PCGF3: variants seen among roughly 807,000 people sequenced by gnomAD.
PCGF3 encodes the protein polycomb group ring finger 3.
A neutral mutation model predicts 33.1 loss-of-function variants in PCGF3; 7 were observed. The ratio of observed to expected loss-of-function variants is 0.21; its 90% CI spans 0.12 to 0.40. The LOEUF is 0.40. PCGF3 is among the 10% of genes least tolerant of loss of function. PCGF3 has a pLI of 1.00. For missense variants in PCGF3, 211 were observed against 313.3 expected (o/e 0.67, Z 2.46); for synonymous variants, 153 against 121.3 (o/e 1.26, Z -1.72).
At chr4:726,837 C>T (rs1337804150) in intron 1 of PCGF3, among the ~76,000 whole-genome samples, 3 of 152,230 alleles carry the variant, frequency 2.0e-5, no homozygotes, top group African/African-American at 7.2e-5. Context: ...GGACTTTTCA[C>T]CCCCTGTCCA....
At chr4:758,261 C>T (rs936872394) in intron 8 of PCGF3, among the ~76,000 whole-genome samples, 1 of 152,064 alleles carries the variant, frequency 6.6e-6, no homozygotes, top group East Asian at 1.9e-4. Context: ...CACCGGGCAC[C>T]CCCTTTCTCC....
Position 720,382 on chromosome 4 carries a change from C to G in PCGF3, c.-189-10248C>G, listed in dbSNP as rs1221365098. 6.6e-6 allele frequency among the ~76,000 whole-genome samples: 1 copy of G among 152,086 alleles called. No homozygotes were observed. The highest frequency in any genetic ancestry group is 2.4e-5 in the African/African-American group (1 of 41,412). On this transcript the variant is annotated intron_variant, in intron 1 of 10. Coordinates refer to ENST00000362003, the Ensembl canonical transcript of PCGF3. The surrounding 1 kb of genome is among the most constrained non-coding windows in gnomAD (Gnocchi z 5.6). ...GGTGACTGTGCAGGAGGACAGAGTG[C>G]CACAAGGGAGAGCAGCAGAGTGGTT... is the stretch of plus-strand genomic sequence containing the variant.
At chr4:747,668 T>C in intron 8 of PCGF3, among the ~76,000 whole-genome samples, 1 of 128,170 alleles carries the variant, frequency 7.8e-6, no homozygotes. Context: ...GGCCCCGGGG[T>C]CGCTGCAGTG....
At chr4:753,750 C>T (rs554901583) in intron 8 of PCGF3, among the ~76,000 whole-genome samples, 110 of 152,116 alleles carry the variant, frequency 7.2e-4, no homozygotes, top group Middle Eastern at 3.4e-3. Flanking sequence ...GAGTGCGAGA[C>T]CAGCCTGGGC....
At chr4:723,343 G>GGGGC (rs1250263041) in intron 1 of PCGF3, among the ~76,000 whole-genome samples, 1 of 152,230 alleles carries the variant, frequency 6.6e-6, no homozygotes, top group Non-Finnish European at 1.5e-5. Context: ...GGCACCTGGA[G>GGGGC]GGGCTGGCCC....
intron 1 of PCGF3, among the ~76,000 whole-genome samples, chr4:727,272 A>G (rs1743371958): frequency 2.2e-5 from 2 of 92,204 alleles, no homozygotes; most frequent in African/African-American, 8.2e-5. Flanking sequence ...ATGGAGTTTC[A>G]GTCTTATTCC....
intron 4 of PCGF3, 135 bp downstream of exon 4, chr4:733,924 G>A: frequency 6.4e-7 from 1 of 1,563,498 alleles, no homozygotes; most frequent in South Asian, 1.2e-5. Flanking sequence ...CAGGGGCAGA[G>A]ACGATCTTGA....
At chr4:713,333 T>G (rs1577394028) in intron 1 of PCGF3, among the ~76,000 whole-genome samples, 1 of 80,750 alleles carries the variant, frequency 1.2e-5, no homozygotes, top group Admixed American at 1.4e-4. Context: ...TGTGGCCTGG[T>G]GGGGGCTGTG....
At chr4:714,970 C>T (rs1226822895) in intron 1 of PCGF3, among the ~76,000 whole-genome samples, 52 of 149,432 alleles carry the variant, frequency 3.5e-4, no homozygotes, top group Admixed American at 3.3e-3. Flanking sequence ...ACGCTGTAGA[C>T]GCTGTGAGTG....
chr4:760,696 C>T (rs4690282), intron 8 of PCGF3, among the ~76,000 whole-genome samples: 33,385 of 152,230 alleles, frequency 0.22, 4,374 homozygotes, highest in Middle Eastern at 0.36. Context: ...CCAAGCCGGC[C>T]GGGCCCTTGG....
chr4:763,939 G>A (rs567747330), intron 9 of PCGF3, among the ~76,000 whole-genome samples: 3 of 152,190 alleles, frequency 2.0e-5, no homozygotes, highest in African/African-American at 7.2e-5. Flanking sequence ...CTGTTACTAA[G>A]TAGAGAAGCC....
chr4:741,394 C>G (rs566770567), intron 6 of PCGF3, among the ~76,000 whole-genome samples: 2 of 152,302 alleles, frequency 1.3e-5, no homozygotes, highest in South Asian at 4.1e-4. Context: ...AGACAGTGAG[C>G]TCTTATTTAT....
intron 1 of PCGF3, among the ~76,000 whole-genome samples, chr4:719,583 C>T (rs1013271037): frequency 2.0e-5 from 3 of 152,216 alleles, no homozygotes; most frequent in African/African-American, 4.8e-5. Flanking sequence ...TGCGGGGTCC[C>T]GTCAGGGAAC....
intron 4 of PCGF3, chr4:734,005 AG>A (rs1426510150): frequency 6.4e-7 from 1 of 1,550,994 alleles, no homozygotes; most frequent in Non-Finnish European, 8.7e-7. Flanking sequence ...GGCCTCGCTT[AG>A]GAGAGCGAAA....
At chr4:750,533 C>T (rs1744465434) in intron 8 of PCGF3, among the ~76,000 whole-genome samples, 1 of 152,222 alleles carries the variant, frequency 6.6e-6, no homozygotes, top group South Asian at 2.1e-4. Context: ...AGTGACCTAC[C>T]TCTGCCTCAG....
intron 9 of PCGF3, 97 bp from the exon 10 acceptor site, chr4:764,887 T>G (rs936182212): frequency 1.3e-6 from 1 of 779,164 alleles, no homozygotes; most frequent in Admixed American, 2.0e-5. Context: ...CTTGCATGAT[T>G]GGGGAGGGGC....
chr4:725,915 T>A (rs1743314281), intron 1 of PCGF3, among the ~76,000 whole-genome samples: 1 of 152,134 alleles, frequency 6.6e-6, no homozygotes, highest in African/African-American at 2.4e-5. Flanking sequence ...CCTCCCCATT[T>A]CAGGAGCCCC....
Position 763,735 on chromosome 4 carries a change from C to G in PCGF3, c.601-1249C>G, listed in dbSNP as rs146215082. Among the ~76,000 whole-genome samples the G allele has an allele frequency of 8.1e-4, 124 of 152,292 alleles. 1 individual carries two copies. The highest frequency in any genetic ancestry group is 2.8e-3 in the African/African-American group (115 of 41,546). ...CATTTACCCACTGGAAATCTCCTGC[C>G]CACACAAAAACCTGCACCCGGATGT... is the stretch of plus-strand genomic sequence containing the variant. On this transcript the variant is annotated intron_variant, in intron 9 of 10. Coordinates refer to ENST00000362003, the Ensembl canonical transcript of PCGF3.
At chr4:733,580 C>A in intron 3 of PCGF3, 92 bp from the exon 4 acceptor site, 2 of 1,356,258 alleles carry the variant, frequency 1.5e-6, no homozygotes, top group Non-Finnish European at 2.0e-6. Flanking sequence ...AGGGCCTGCA[C>A]TGTCCTCCCT....
Sources: allele counts gnomAD v4.1 joint callset (sites outside exome capture counted in the v4.1 genomes callset), GRCh38; gene constraint gnomAD v4.1.1; non-coding constraint Gnocchi (gnomAD v3.1); transcripts MANE v1.5; gene names NCBI Gene and HGNC (gene_info 2026-07-23, HGNC 2026-07-21).